NDUFB4: variants seen among roughly 807,000 people sequenced by gnomAD.
The protein encoded by NDUFB4 is NADH dehydrogenase [ubiquinone] 1 beta subcomplex subunit 4.
NDUFB4 carries 10 observed loss-of-function variants against 14.5 expected under a neutral mutation model. The observed-to-expected ratio is 0.69, with a 90% CI of 0.43 to 1.17. The LOEUF is 1.17. Ranked by LOEUF, NDUFB4 falls within the 50% of genes most tolerant of loss-of-function variation. The pLI is 0.00. For missense variants in NDUFB4, 165 were observed against 161.1 expected (o/e 1.02, Z -0.13); for synonymous variants, 65 against 63.4 (o/e 1.03, Z -0.12).
Position 120,601,235 on chromosome 3 carries a change from AT to A in NDUFB4, c.307del (p.Tyr103IlefsTer47), listed in dbSNP as rs754078163. The part of the protein sequence containing the change: ...LCGFGPLIFI[Y>X]YIIKTERDRK... The stretch of plus-strand genomic sequence containing the variant: ...GGATTTGGGCCCCTCATCTTCATTT[AT>A]TATATTATCAAAACTGAGAGGGTAA... On this transcript the variant is annotated frameshift_variant, in exon 2 of 3. Transcript: ENST00000184266. LOFTEE classifies it high-confidence loss of function. The A allele has an allele frequency of 5.0e-6, 8 of 1,613,960 alleles. No homozygotes were observed. Among genetic ancestry groups the A allele is most frequent in the African/African-American group, 4.0e-5 (3 of 74,904 alleles).
intron 2 of NDUFB4, chr3:120,601,937 TA>T: frequency 8.4e-7 from 1 of 1,192,366 alleles, no homozygotes; most frequent in Non-Finnish European, 1.0e-6. Context: ...AATATATTTC[TA>T]ATGACTAAAA....
chr3:120,601,048 T>A, intron 1 of NDUFB4, 63 bp from the exon 2 acceptor site: 1 of 1,448,486 alleles, frequency 6.9e-7, no homozygotes, highest in Non-Finnish European at 9.5e-7. Flanking sequence ...AAAGTCCCTA[T>A]GAATTTGTTT....
At position 120,602,288 on chromosome 3, in the gene NDUFB4, A is replaced by ATAT; in HGVS notation, c.*19_*21dup. The stretch of plus-strand genomic sequence containing the variant: ...CATATTAAGTCTGGCAATGATGACT[A>ATAT]TATGTATTCCTGCCTAAATAAATCA... On this transcript the variant is annotated 3_prime_UTR_variant, in exon 3 of 3. Transcript: ENST00000184266. 6.3e-7 allele frequency: 1 copy of ATAT among 1,579,076 alleles called. No individual in the cohort carries two copies. The highest frequency in any genetic ancestry group is 1.7e-5 in the Admixed American group (1 of 57,292).
At chr3:120,596,715 G>A in intron 1 of NDUFB4, 176 bp downstream of exon 1, 1 of 677,450 alleles carries the variant, frequency 1.5e-6, no homozygotes, top group African/African-American at 1.8e-5. Context: ...CGAGAGGACC[G>A]GCTCTGGACT....
At chr3:120,598,955 A>G (rs1210449178) in intron 1 of NDUFB4, among the ~76,000 whole-genome samples, 2 of 152,154 alleles carry the variant, frequency 1.3e-5, no homozygotes, top group East Asian at 3.9e-4. Flanking sequence ...GGGAAAGGAC[A>G]GGATCAGGGA....
intron 1 of NDUFB4, among the ~76,000 whole-genome samples, chr3:120,597,134 C>G (rs1939977086): frequency 6.7e-6 from 1 of 150,328 alleles, no homozygotes; most frequent in East Asian, 1.9e-4. Context: ...CATAGGGATA[C>G]TGCTCTCTCC....
chr3:120,601,668 A>G (rs1940066677), intron 2 of NDUFB4: 1 of 1,036,602 alleles, frequency 9.6e-7, no homozygotes, highest in Non-Finnish European at 1.2e-6. Context: ...CAGCCTGGGT[A>G]TATGATTGGA....
chr3:120,597,798 G>A (rs2107470954), intron 1 of NDUFB4, among the ~76,000 whole-genome samples: 2 of 152,290 alleles, frequency 1.3e-5, no homozygotes, highest in Non-Finnish European at 2.9e-5. Context: ...AGAGGGTGCA[G>A]AGAGACACAT....
chr3:120,602,401 C>A lies in NDUFB4; in HGVS notation c.*131C>A. 3 of 801,368 alleles carry A rather than the reference C, an allele frequency of 3.7e-6. No individual in the cohort carries two copies. The highest frequency in any genetic ancestry group is 2.2e-5 in the South Asian group (1 of 45,652). 49.6% of individuals were successfully genotyped at this position (801,368 alleles called of 1,614,324 possible). The stretch of plus-strand genomic sequence containing the variant: ...TATTAACACCCTAACAACACAGAAG[C>A]AGACGCAGCCCGTGTTGGGAATCTG... On this transcript the variant is annotated 3_prime_UTR_variant, in exon 3 of 3. Transcript: ENST00000184266.
intron 1 of NDUFB4, among the ~76,000 whole-genome samples, chr3:120,598,782 A>AG (rs1166420855): frequency 2.6e-5 from 4 of 152,280 alleles, no homozygotes. Context: ...AATTGAAAAA[A>AG]CACTGGAGAG....
At chr3:120,597,171 C>G (rs1227210594) in intron 1 of NDUFB4, among the ~76,000 whole-genome samples, 3 of 151,548 alleles carry the variant, frequency 2.0e-5, no homozygotes, top group Non-Finnish European at 4.4e-5. Flanking sequence ...ATTCCTTCAA[C>G]CTGCATCTTT....
rs1939950570 is a variant in NDUFB4 at position 120,596,350 on chromosome 3, G to A, written c.-10G>A. On this transcript the variant is annotated 5_prime_UTR_variant, in exon 1 of 3. Transcript: ENST00000184266. ...ATCGCGCAGGCGCAATTGTGCCCTG[G>A]TTCGCCAAGATGTCGTTCCCAAAGT... 1 of 1,613,874 alleles carries A rather than the reference G, an allele frequency of 6.2e-7. No individual in the cohort carries two copies. The highest frequency in any genetic ancestry group is 2.2e-5 in the East Asian group (1 of 44,878).
At chr3:120,601,005 C>T in intron 1 of NDUFB4, 106 bp from the exon 2 acceptor site, 1 of 951,842 alleles carries the variant, frequency 1.1e-6, no homozygotes. Context: ...CTTAACTGTT[C>T]TAGAGAACAA....
At chr3:120,598,713 C>G (rs953515897) in intron 1 of NDUFB4, among the ~76,000 whole-genome samples, 2 of 151,990 alleles carry the variant, frequency 1.3e-5, no homozygotes, top group Admixed American at 1.3e-4. Context: ...TCTAGGAAGG[C>G]AGCCTACTCA....
chr3:120,601,781 A>G, intron 2 of NDUFB4: 1 of 1,019,104 alleles, frequency 9.8e-7, no homozygotes. Flanking sequence ...CCACTCGTCT[A>G]GCTTTGTCTT....
chr3:120,597,015 A>G (rs1939972464), intron 1 of NDUFB4, among the ~76,000 whole-genome samples: 1 of 143,342 alleles, frequency 7.0e-6, no homozygotes, highest in South Asian at 2.1e-4. Context: ...ATATATATGC[A>G]TATATATTTT....
chr3:120,602,336 T>C lies in NDUFB4; in HGVS notation c.*66T>C. The C allele has an allele frequency of 7.0e-7, 1 of 1,419,570 alleles. No homozygotes were observed. Among genetic ancestry groups the C allele is most frequent in the Non-Finnish European group, 9.8e-7 (1 of 1,023,776 alleles). 87.9% of individuals were successfully genotyped at this position (1,419,570 alleles called of 1,614,324 possible). On this transcript the variant is annotated 3_prime_UTR_variant, in exon 3 of 3. Coordinates refer to ENST00000184266, the MANE Select transcript of NDUFB4 (RefSeq NM_004547.6). ...TCATCTATTAATCATTAAGTAGTAG[T>C]TTCTCTTTCTTAGTATTACCTTGAT...
chr3:120,596,815 TG>T (rs545816511), intron 1 of NDUFB4, among the ~76,000 whole-genome samples: 56 of 152,160 alleles, frequency 3.7e-4, no homozygotes, highest in African/African-American at 1.3e-3. Context: ...CTCGATTTTC[TG>T]TCTGCAAAAT....
At chr3:120,601,871 C>G in intron 2 of NDUFB4, 1 of 1,053,946 alleles carries the variant, frequency 9.5e-7, no homozygotes, top group Non-Finnish European at 1.1e-6. Flanking sequence ...GAAAGGTAGT[C>G]CACATTTTCC....
Sources: allele counts gnomAD v4.1 joint callset (sites outside exome capture counted in the v4.1 genomes callset), GRCh38; gene constraint gnomAD v4.1.1; transcripts MANE v1.5; gene names NCBI Gene and HGNC (gene_info 2026-07-23, HGNC 2026-07-21).